The following SLC34A2 variants were observed in gnomAD, a reference collection of about 807,000 sequenced individuals.
The protein encoded by SLC34A2 is solute carrier family 34 member 2.
SLC34A2 carries 41 observed loss-of-function variants against 50.8 expected under a neutral mutation model. That is an observed-to-expected ratio of 0.81 (90% CI 0.63 to 1.05). The LOEUF (loss-of-function observed/expected upper bound fraction) is 1.05. Among genes scored for constraint, SLC34A2 ranks in the 50% least tolerant of loss-of-function variants. The pLI, the probability that SLC34A2 is intolerant of heterozygous loss-of-function variation, is 0.00. For missense variants in SLC34A2, 879 were observed against 876.7 expected (o/e 1.00, Z -0.03); for synonymous variants, 401 against 364.2 (o/e 1.10, Z -1.15).
intron 12 of SLC34A2, 45 bp downstream of exon 12, chr4:25,674,674 A>T (rs1715018866): frequency 6.2e-7 from 1 of 1,611,082 alleles, no homozygotes; most frequent in Non-Finnish European, 8.5e-7. Flanking sequence ...GAGTGGGACC[A>T]CCCATGGTCT....
At chr4:25,657,187 G>A (rs1220408946) in intron 1 of SLC34A2, among the ~76,000 whole-genome samples, 1 of 152,148 alleles carries the variant, frequency 6.6e-6, no homozygotes, top group Non-Finnish European at 1.5e-5. Context: ...CCTGTGGTAT[G>A]AGGATGGGCT....
intron 8 of SLC34A2, among the ~76,000 whole-genome samples, chr4:25,671,261 C>T (rs2109057768): frequency 6.6e-6 from 1 of 152,272 alleles, no homozygotes. Context: ...TTCATGCCCT[C>T]TGTCAGGAAC....
At position 25,676,936 on chromosome 4, in the gene SLC34A2, C is replaced by T; in HGVS notation, c.*187C>T. The T allele has an allele frequency of 4.3e-6, 3 of 696,776 alleles. No homozygotes were observed. The highest frequency in any genetic ancestry group is 7.3e-6 in the Non-Finnish European group (3 of 408,750). The allele number at this position is 696,776 out of a possible 1,614,324, so 43.2% of individuals were successfully genotyped here. A position where few individuals can be genotyped will look rare whatever the true frequency, so the allele number is the denominator to read the frequency against. Reference sequence around the variant, plus strand: ...GTAGGCCTGCAGGGCACTTTTATTCCAACCCCTGGTCACTCAGTAATCTTT... The same window carrying T: ...GTAGGCCTGCAGGGCACTTTTATTCTAACCCCTGGTCACTCAGTAATCTTT... On this transcript the variant is annotated 3_prime_UTR_variant, in exon 13 of 13. Coordinates refer to ENST00000382051, the MANE Select transcript of SLC34A2 (RefSeq NM_006424.3).
intron 1 of SLC34A2, among the ~76,000 whole-genome samples, chr4:25,662,004 C>T (rs1172512894): frequency 6.6e-6 from 1 of 152,084 alleles, no homozygotes; most frequent in Non-Finnish European, 1.5e-5. Context: ...TCCCGAGTAG[C>T]TGGGACTATA....
At chr4:25,674,193 T>C in intron 10 of SLC34A2, 103 bp from the exon 11 acceptor site, 1 of 780,084 alleles carries the variant, frequency 1.3e-6, no homozygotes, top group Non-Finnish European at 2.3e-6. Flanking sequence ...AGACCATATA[T>C]GGGATGATGT....
intron 7 of SLC34A2, among the ~76,000 whole-genome samples, chr4:25,670,537 C>T (rs1714756953): frequency 6.6e-6 from 1 of 152,168 alleles, no homozygotes; most frequent in Admixed American, 6.5e-5. Context: ...TTTTCTTGGC[C>T]ATTCAGTCAT....
chr4:25,662,152 G>A (rs897696406), intron 1 of SLC34A2, among the ~76,000 whole-genome samples: 1 of 152,212 alleles, frequency 6.6e-6, no homozygotes, highest in Non-Finnish European at 1.5e-5. Context: ...GATTACAGGC[G>A]TGAGCCACGG....
At position 25,673,067 on chromosome 4, in the gene SLC34A2, G is replaced by A; in HGVS notation, c.1049-20G>A. 6.2e-7 allele frequency: 1 copy of A among 1,614,020 alleles called. No individual in the cohort carries two copies. Among genetic ancestry groups the A allele is most frequent in the Non-Finnish European group, 8.5e-7 (1 of 1,179,932 alleles). On this transcript the variant is annotated intron_variant, in intron 9 of 12. Coordinates refer to ENST00000382051, the MANE Select transcript of SLC34A2 (RefSeq NM_006424.3). ...TGGTGGCTCCATGCCCTCCTGACAA[G>A]ATTCTTTGTGGTCTTTCAGGCCAGC...
At chr4:25,672,356 A>G (rs1041401283) in intron 9 of SLC34A2, among the ~76,000 whole-genome samples, 3 of 152,316 alleles carry the variant, frequency 2.0e-5, no homozygotes, top group African/African-American at 2.4e-5. Context: ...TATTCACTCA[A>G]TTAGTCCCTA....
Position 25,662,704 on chromosome 4 carries a change from G to T in SLC34A2, c.113-1G>T. 6.2e-7 allele frequency: 1 copy of T among 1,614,036 alleles called. No individual in the cohort carries two copies. The highest frequency in any genetic ancestry group is 8.5e-7 in the Non-Finnish European group (1 of 1,180,012). ...CTCATTACCCCTTTTGCTTGTTTCA[G>T]CAGATAACACTGAGGCACCTGTAAC... is the stretch of plus-strand genomic sequence containing the variant. On this transcript the variant is annotated splice_acceptor_variant, in intron 2 of 12. Transcript: ENST00000382051. LOFTEE classifies it high-confidence loss of function.
At chr4:25,675,128 T>C (rs563459297) in intron 12 of SLC34A2, among the ~76,000 whole-genome samples, 40 of 152,142 alleles carry the variant, frequency 2.6e-4, no homozygotes, top group African/African-American at 9.4e-4. Context: ...ACCTCCCAGG[T>C]TCAAGTGATT....
rs377419850 is a variant in SLC34A2, at chr4:25,673,091, G to T, written c.1053G>T (p.Gln351His). The T allele has an allele frequency of 1.9e-6, 3 of 1,614,010 alleles. No homozygotes were observed. Among genetic ancestry groups the T allele is most frequent in the Non-Finnish European group, 2.5e-6 (3 of 1,180,038 alleles). ...VTYKENIAKC[Q>H]HIFVNFHLPD... ...AGATTCTTTGTGGTCTTTCAGGCCA[G>T]CATATCTTTGTGAATTTCCACCTCC... is the stretch of plus-strand genomic sequence containing the variant. Residue 351 changes from glutamine (Q) to histidine (H), a missense_variant, in exon 10 of 13, where the codon CAG (glutamine) becomes CAT (histidine). Transcript: ENST00000382051.
intron 5 of SLC34A2, 105 bp from the exon 6 acceptor site, chr4:25,667,775 A>G: frequency 4.0e-6 from 3 of 755,100 alleles, no homozygotes; most frequent in Admixed American, 2.0e-5. Flanking sequence ...ATTCACTTGC[A>G]TAGAGGATAA....
intron 9 of SLC34A2, 33 bp downstream of exon 9, chr4:25,671,754 C>G: frequency 6.2e-7 from 1 of 1,613,992 alleles, no homozygotes. Flanking sequence ...GCCACTATGA[C>G]AGGTGTTGTC....
Position 25,676,488 on chromosome 4 carries a change from T to C in SLC34A2, c.1812T>C (p.Asp604=). The change falls in exon 13 of 13, where the codon GAT becomes GAC. Residue 604 remains aspartate (D), a synonymous_variant. Transcript: ENST00000382051. ...PLWMRSLKPW[D]AVVSKFTGCF... ...GGATGCGCTCGCTGAAGCCCTGGGA[T>C]GCCGTCGTCTCCAAGTTCACCGGCT... 1 of 1,614,172 alleles carries C rather than the reference T, an allele frequency of 6.2e-7. No homozygotes were observed. The highest frequency in any genetic ancestry group is 8.5e-7 in the Non-Finnish European group (1 of 1,180,034).
intron 1 of SLC34A2, among the ~76,000 whole-genome samples, chr4:25,659,411 A>G (rs1273650260): frequency 6.6e-6 from 1 of 152,142 alleles, no homozygotes; most frequent in Non-Finnish European, 1.5e-5. Context: ...CATGCTGAGC[A>G]TTGGAGATGA....
In SLC34A2 at chr4:25,662,715, T is replaced by G. The variant is rs1714269659; in HGVS notation, c.123T>G (p.Thr41=). ...TTTTGCTTGTTTCAGCAGATAACAC[T>G]GAGGCACCTGTAACCAAGATTGAAC... is the stretch of plus-strand genomic sequence containing the variant. ...KSKETNKTDN[T]EAPVTKIELL... The change falls in exon 3 of 13, where the codon ACT becomes ACG. Residue 41 remains threonine (T), a synonymous_variant. Transcript: ENST00000382051. 1 of 1,614,146 alleles carries G rather than the reference T, an allele frequency of 6.2e-7. No individual in the cohort carries two copies. Among genetic ancestry groups the G allele is most frequent in the South Asian group, 1.1e-5 (1 of 91,084 alleles).
At chr4:25,662,283 G>A (rs1263188011) in intron 1 of SLC34A2, among the ~76,000 whole-genome samples, 1 of 152,204 alleles carries the variant, frequency 6.6e-6, no homozygotes, top group Non-Finnish European at 1.5e-5. Flanking sequence ...TTAGCGACTG[G>A]GTGAGTGTTT....
Position 25,664,297 on chromosome 4 carries a change from G to A in SLC34A2, c.346G>A (p.Asp116Asn), listed in dbSNP as rs2109050181. The stretch of plus-strand genomic sequence containing the variant: ...TCTCTACTTTTTCGTGTGCTCCCTG[G>A]ATATTCTTAGTAGCGCCTTCCAGCT... ...GFLYFFVCSLDILSSAFQLVG... is the reference protein window; with the variant it reads ...GFLYFFVCSLNILSSAFQLVG... The change falls in exon 4 of 13, where the codon GAT (aspartate) becomes AAT (asparagine). Residue 116 changes from aspartate (D) to asparagine (N), a missense_variant. Coordinates refer to ENST00000382051, the MANE Select transcript of SLC34A2 (RefSeq NM_006424.3). 3 of 1,613,978 alleles carry A rather than the reference G, an allele frequency of 1.9e-6. No homozygotes were observed. Among genetic ancestry groups the A allele is most frequent in the Non-Finnish European group, 2.5e-6 (3 of 1,179,996 alleles).
Sources: gnomAD v4.1 joint callset for allele counts (sites outside exome capture counted in the v4.1 genomes callset) on GRCh38, gnomAD v4.1.1 for gene constraint, MANE v1.5 for transcripts, NCBI Gene and HGNC (gene_info 2026-07-23, HGNC 2026-07-21) for gene names.